Variants in IFT140 observed in about 807,000 individuals in gnomAD.
The protein encoded by IFT140 is intraflagellar transport protein 140 homolog.
Under a neutral mutation model 164.6 loss-of-function variants are expected in IFT140, and 133 were observed. That is an observed-to-expected ratio of 0.81 (90% CI 0.70 to 0.93). The LOEUF is 0.93. Ranked by LOEUF, IFT140 falls within the 40% of genes least tolerant of loss-of-function variation. IFT140 has a pLI of 0.00. For missense variants in IFT140, 2,045 were observed against 1,972.3 expected, an observed-to-expected ratio of 1.04 and a Z score of -0.70; for synonymous variants, 860 against 817.3, an observed-to-expected ratio of 1.05 and a Z score of -0.89.
rs75851765 is a variant in IFT140, at chr16:1,568,771, A to C, written c.1653-437T>G. Among the ~76,000 whole-genome samples the C allele has an allele frequency of 2.4e-3, 358 of 152,154 alleles. 5 individuals are homozygous for C. Among genetic ancestry groups the C allele is most frequent in the African/African-American group, 8.0e-3 (332 of 41,522 alleles). On this transcript the variant is annotated intron_variant, in intron 14 of 30. Transcript: ENST00000426508. ...TCCATCTCAAAAACAAAAAACGAAA[A>C]AAAACAAAACAACGCTGCTGTACGC...
At chr16:1,586,371 G>T in intron 9 of IFT140, 96 bp from the exon 10 acceptor site, 1 of 1,295,830 alleles carries the variant, frequency 7.7e-7, no homozygotes, top group Non-Finnish European at 1.1e-6. Flanking sequence ...CAAAGCATCA[G>T]CCCTCGCCCA....
intron 4 of IFT140, among the ~76,000 whole-genome samples, chr16:1,594,849 C>A (rs1269285067): frequency 6.6e-6 from 1 of 152,204 alleles, no homozygotes; most frequent in Non-Finnish European, 1.5e-5. Context: ...CTTCCTGGCC[C>A]AAAACTGGGG....
At position 1,533,448 on chromosome 16, in the gene IFT140, C is replaced by G. The variant is rs948736359; in HGVS notation, c.2400-6652G>C. The G allele has an allele frequency of 1.3e-5, 2 of 152,328 alleles. No homozygotes were observed. Among genetic ancestry groups the G allele is most frequent in the African/African-American group, 2.4e-5 (1 of 41,428 alleles). The allele number at this position is 152,328 out of a possible 1,614,324, so 9.4% of individuals were successfully genotyped here. ...CCAGGCTTAAAAGCAACAGGCGAGA[C>G]GAGGGATCTGTCCCGCACCCGGCAT... On this transcript the variant is annotated intron_variant, in intron 19 of 30. Coordinates refer to ENST00000426508, the MANE Select transcript of IFT140 (RefSeq NM_014714.4). This position sits in a 1 kb window ranked among gnomAD's most constrained non-coding sequence, Gnocchi z 4.7.
chr16:1,584,650 C>A (rs2034773739), intron 10 of IFT140, among the ~76,000 whole-genome samples: 1 of 152,172 alleles, frequency 6.6e-6, no homozygotes, highest in South Asian at 2.1e-4. Flanking sequence ...TGTGATTGGA[C>A]AGGCAGCACT....
intron 8 of IFT140, 84 bp downstream of exon 8, chr16:1,587,849 C>T (rs1274651363): frequency 4.8e-6 from 5 of 1,038,850 alleles, no homozygotes; most frequent in Non-Finnish European, 7.1e-6. Context: ...TTTACATATG[C>T]TCCATTCCAA....
At position 1,524,850 on chromosome 16, in the gene IFT140, G is replaced by C. The variant is rs1348342883; in HGVS notation, c.2931C>G (p.Tyr977Ter). 1 of 1,613,248 alleles carries C rather than the reference G, an allele frequency of 6.2e-7. No individual in the cohort carries two copies. Among genetic ancestry groups the C allele is most frequent in the East Asian group, 2.2e-5 (1 of 44,846 alleles). ...AGAAGTGGTCCCGGGCCAGCTCGTA[G>C]TAGTGCAGCGCGGCGTCCATCTCGC... ...SQGEMDAALH[Y>*]YELARDHFSL... Residue 977 changes from tyrosine to a stop codon, truncating the protein, a stop_gained, in exon 23 of 31, where the codon TAC (tyrosine) becomes TAG (stop). Transcript: ENST00000426508. LOFTEE classifies it high-confidence loss of function.
chr16:1,599,465 G>A (rs1596455479), intron 4 of IFT140, among the ~76,000 whole-genome samples: 1 of 89,202 alleles, frequency 1.1e-5, no homozygotes, highest in Non-Finnish European at 2.2e-5. Flanking sequence ...GTCCGGGAGG[G>A]AGGTGGGGGG....
chr16:1,513,672 T>A lies in IFT140; in HGVS notation c.4183-2522A>T, dbSNP rs970298767. Among the ~76,000 whole-genome samples, 6 of 124,422 alleles carry A rather than the reference T, an allele frequency of 4.8e-5. No individual in the cohort carries two copies. The East Asian group carries it at 1.5e-3, about 32-fold the overall frequency. 81.6% of individuals were successfully genotyped at this position (124,422 alleles called of 152,430 possible). On this transcript the variant is annotated intron_variant, in intron 30 of 30. Coordinates refer to ENST00000426508, the MANE Select transcript of IFT140 (RefSeq NM_014714.4). ...AGGCTTCCTGCTTCTCACAACTTTC[T>A]TTTTTTTTTTTTCTTTTTTGAGACG...
intron 29 of IFT140, 128 bp from the exon 30 acceptor site, chr16:1,518,485 T>A: frequency 4.8e-6 from 4 of 831,762 alleles, no homozygotes; most frequent in Non-Finnish European, 7.2e-6. Flanking sequence ...TCTATGAAGT[T>A]AAATTCATTA....
intron 17 of IFT140, 61 bp downstream of exon 17, chr16:1,563,936 C>A (rs2033567666): frequency 1.4e-6 from 2 of 1,471,376 alleles, no homozygotes; most frequent in Non-Finnish European, 1.8e-6. Context: ...CCATGAAGAT[C>A]TTAAGTCTGT....
At chr16:1,520,574 C>T (rs754852665) in intron 27 of IFT140, 28 bp downstream of exon 27, 5 of 1,542,524 alleles carry the variant, frequency 3.2e-6, no homozygotes, top group Non-Finnish European at 4.4e-6. Context: ...TGTGAGGTAG[C>T]CGCGGGCTGG....
chr16:1,516,164 A>AC (rs2040335146), intron 30 of IFT140, among the ~76,000 whole-genome samples: 1 of 113,308 alleles, frequency 8.8e-6, no homozygotes, highest in Non-Finnish European at 1.8e-5. Context: ...AAAAAAAAAA[A>AC]AAAAAAAAAA....
chr16:1,522,289 T>G, intron 26 of IFT140, among the ~76,000 whole-genome samples: 2 of 151,564 alleles, frequency 1.3e-5, no homozygotes, highest in African/African-American at 4.9e-5. Context: ...CCCGGGAGGC[T>G]GAGGTTGCAG....
intron 19 of IFT140, chr16:1,532,426 G>A (rs142228359): frequency 2.5e-3 from 381 of 152,460 alleles, no homozygotes; most frequent in Non-Finnish European, 4.1e-3. Context: ...TGCCTTTCTG[G>A]AACAGACACA....
chr16:1,576,011 C>A (rs959533864), intron 13 of IFT140, among the ~76,000 whole-genome samples: 1 of 152,134 alleles, frequency 6.6e-6, no homozygotes, highest in Non-Finnish European at 1.5e-5. Flanking sequence ...AAAGGCCAGG[C>A]GCAGTGGCTC....
At position 1,584,213 on chromosome 16, in the gene IFT140, T is replaced by C; in HGVS notation, c.1359+4A>G. 1 of 1,612,212 alleles carries C rather than the reference T, an allele frequency of 6.2e-7. No individual in the cohort carries two copies. The highest frequency in any genetic ancestry group is 8.5e-7 in the Non-Finnish European group (1 of 1,179,146). On this transcript the variant is annotated splice_donor_region_variant and intron_variant, in intron 11 of 30. Coordinates refer to ENST00000426508, the MANE Select transcript of IFT140 (RefSeq NM_014714.4). ...TCCCACCCACGGGTCCCCTCGGCAGTCACCTTGGTGGCAAACACTCCACTG... is the reference window on the plus strand; with the variant it reads ...TCCCACCCACGGGTCCCCTCGGCAGCCACCTTGGTGGCAAACACTCCACTG...
chr16:1,578,353 C>T (rs1357400985), intron 13 of IFT140: 9 of 152,178 alleles, frequency 5.9e-5, no homozygotes, highest in East Asian at 5.8e-4. Flanking sequence ...CAAGAAGGAA[C>T]TTGGAGATGG....
intron 13 of IFT140, chr16:1,580,467 GCT>G (rs1371086846): frequency 2.5e-5 from 7 of 279,932 alleles, no homozygotes; most frequent in Non-Finnish European, 6.8e-6. Flanking sequence ...CTCCCGCTTC[GCT>G]CTCTCTTCCT....
chr16:1,552,335 C>T (rs1389899617), intron 19 of IFT140, among the ~76,000 whole-genome samples: 4 of 152,046 alleles, frequency 2.6e-5, no homozygotes, highest in East Asian at 1.9e-4. Context: ...CTGCCAAGAG[C>T]GCCCCACCCC....
Sources: gnomAD v4.1 joint callset for allele counts (sites outside exome capture counted in the v4.1 genomes callset) on GRCh38, gnomAD v4.1.1 for gene constraint, Gnocchi (gnomAD v3.1) non-coding constraint, MANE v1.5 for transcripts, NCBI Gene and HGNC (gene_info 2026-07-23, HGNC 2026-07-21) for gene names.